Variants in PTPN12 observed in about 807,000 individuals in gnomAD.
The protein encoded by PTPN12 is protein tyrosine phosphatase non-receptor type 12, also known as tyrosine-protein phosphatase non-receptor type 12.
PTPN12 carries 29 observed loss-of-function variants against 97.6 expected under a neutral mutation model. That is an observed-to-expected ratio of 0.30 (90% CI 0.22 to 0.41). The LOEUF is 0.41. Ranked by LOEUF, PTPN12 falls within the 10% of genes least tolerant of loss-of-function variation. The pLI is 1.00. For missense variants in PTPN12, 819 were observed against 926.0 expected, an observed-to-expected ratio of 0.88 and a Z score of 1.50; for synonymous variants, 327 against 300.4, an observed-to-expected ratio of 1.09 and a Z score of -0.91.
chr7:77,537,645 G>A lies in PTPN12; in HGVS notation c.99G>A (p.Met33Ile). 6.3e-7 allele frequency: 1 copy of A among 1,593,320 alleles called. No homozygotes were observed. The highest frequency in any genetic ancestry group is 8.5e-7 in the Non-Finnish European group (1 of 1,171,378). The change falls in exon 1 of 18, where the codon ATG (methionine) becomes ATA (isoleucine). Residue 33 changes from methionine (M) to isoleucine (I), a missense_variant and splice_region_variant. By Grantham distance (10) the Met-to-Ile change is conservative. Around this residue, in one of 5 missense-constraint regions of PTPN12, gnomAD observed 59 missense variants for 42.2 expected, o/e 1.40. Transcript: ENST00000248594. Reference sequence around the variant, plus strand: ...AGGACAACTTCGCCCGGGACTTCATGGTGAGTCTCTCCCCTCGCTGTCGCG... The same window carrying A: ...AGGACAACTTCGCCCGGGACTTCATAGTGAGTCTCTCCCCTCGCTGTCGCG... ...NGEDNFARDF[M>I]RLRRLSTKYR... is the part of the protein sequence containing the mutation.
At chr7:77,615,063 T>C (rs914837872) in intron 11 of PTPN12, among the ~76,000 whole-genome samples, 1 of 152,186 alleles carries the variant, frequency 6.6e-6, no homozygotes, top group Admixed American at 6.5e-5. Context: ...ACTGAGGATT[T>C]AGAGGTACCT....
chr7:77,609,368 T>G (rs1458306016), intron 9 of PTPN12, among the ~76,000 whole-genome samples: 2 of 145,478 alleles, frequency 1.4e-5, no homozygotes, highest in South Asian at 4.4e-4. Context: ...GACTCTCAGG[T>G]TCAAGCGATT....
At chr7:77,617,423 T>G (rs951458647) in intron 11 of PTPN12, among the ~76,000 whole-genome samples, 1 of 152,204 alleles carries the variant, frequency 6.6e-6, no homozygotes, top group East Asian at 1.9e-4. Flanking sequence ...AGATTATATA[T>G]AAGGAGATAG....
At position 77,611,006 on chromosome 7, in the gene PTPN12, T is replaced by C. The variant is rs1169617853; in HGVS notation, c.899T>C (p.Leu300Pro). 1.2e-6 allele frequency: 2 copies of C among 1,613,436 alleles called. No homozygotes were observed. The highest frequency in any genetic ancestry group is 1.7e-6 in the Non-Finnish European group (2 of 1,179,656). Reference sequence around the variant, plus strand: ...CAACTGTTTGAAAAACAGCTACAACTATATGAAATTCATGGAGCTCAGAAA... The same window carrying C: ...CAACTGTTTGAAAAACAGCTACAACCATATGAAATTCATGGAGCTCAGAAA... ...IAQLFEKQLQ[L>P]YEIHGAQKIA... The change falls in exon 11 of 18, where the codon CTA becomes CCA. Residue 300 changes from leucine (L) to proline (P), a missense_variant. Leu to Pro is a moderately conservative substitution (Grantham distance 98). Around this residue, in one of 5 missense-constraint regions of PTPN12, gnomAD observed 607 missense variants for 577.3 expected, o/e 1.05. Transcript: ENST00000248594.
intron 1 of PTPN12, among the ~76,000 whole-genome samples, chr7:77,538,260 C>T (rs1163597944): frequency 6.6e-6 from 1 of 152,096 alleles, no homozygotes; most frequent in African/African-American, 2.4e-5. Context: ...TTTCCATTTA[C>T]CCGCGTCCCG....
chr7:77,611,906 T>C (rs1207615829), intron 11 of PTPN12, among the ~76,000 whole-genome samples: 2 of 152,194 alleles, frequency 1.3e-5, no homozygotes, highest in Non-Finnish European at 2.9e-5. Flanking sequence ...AGTATTCTCA[T>C]TTCTGCCTTT....
chr7:77,619,414 C>T (rs1313418065), intron 12 of PTPN12, among the ~76,000 whole-genome samples: 3 of 152,142 alleles, frequency 2.0e-5, no homozygotes, highest in Non-Finnish European at 2.9e-5. Context: ...AATCATCTCT[C>T]TGAACAAAAG....
rs753941626 is a variant in PTPN12 at position 77,612,726 on chromosome 7, C to T, written c.939+1680C>T. Among the ~76,000 whole-genome samples the T allele has an allele frequency of 3.3e-5, 5 of 151,760 alleles. No homozygotes were observed. In the East Asian group the frequency reaches 7.8e-4, roughly 24 times the overall value. Reference sequence around the variant, plus strand: ...TGCTAGGATTACAGGCATGAGCCACCGCGCCCGGCCTCGAATGTGTTTTTT... The same window carrying T: ...TGCTAGGATTACAGGCATGAGCCACTGCGCCCGGCCTCGAATGTGTTTTTT... On this transcript the variant is annotated intron_variant, in intron 11 of 17. Coordinates refer to ENST00000248594, the MANE Select transcript of PTPN12 (RefSeq NM_002835.4).
chr7:77,547,230 G>T (rs867081014), intron 1 of PTPN12, among the ~76,000 whole-genome samples: 1 of 152,134 alleles, frequency 6.6e-6, no homozygotes, highest in African/African-American at 2.4e-5. Context: ...TGCCCACTAT[G>T]CCCTAGGTAC....
intron 14 of PTPN12, among the ~76,000 whole-genome samples, chr7:77,633,728 C>T (rs1381023259): frequency 6.6e-6 from 1 of 152,068 alleles, no homozygotes; most frequent in African/African-American, 2.4e-5. Flanking sequence ...AGACATTTAA[C>T]ACCACTGGAG....
Position 77,638,683 on chromosome 7 carries a change from G to C in PTPN12, c.2233G>C (p.Asp745His), listed in dbSNP as rs767614876. Residue 745 changes from aspartate to histidine, a missense_variant, in exon 17 of 18, where the codon GAC becomes CAC. By Grantham distance (81) the Asp-to-His change is moderately conservative. This residue lies in a region of PTPN12 where 607 missense variants were observed against 577.3 expected (regional missense o/e 1.05). Transcript: ENST00000248594. ...CATAGAATGTCCACCTACTTTCAGT[G>C]ACAAGAGAGAACAAATATCAGAAAA... ...MCIECPPTFS[D>H]KREQISENPT... The C allele has an allele frequency of 6.2e-7, 1 of 1,607,890 alleles. No individual in the cohort carries two copies. The highest frequency in any genetic ancestry group is 1.3e-5 in the African/African-American group (1 of 74,722).
chr7:77,584,435 G>A (rs1467860591), intron 4 of PTPN12, among the ~76,000 whole-genome samples: 1 of 152,212 alleles, frequency 6.6e-6, no homozygotes, highest in African/African-American at 2.4e-5. Context: ...CTTTCTGGAT[G>A]ATGGGAACAT....
chr7:77,563,789 G>A (rs1049755328), intron 1 of PTPN12: 2 of 225,860 alleles, frequency 8.9e-6, no homozygotes, highest in African/African-American at 4.7e-5. Flanking sequence ...AGTGAGCAAA[G>A]ATAGGAAGAT....
intron 1 of PTPN12, among the ~76,000 whole-genome samples, chr7:77,560,322 A>G (rs1027917138): frequency 5.3e-5 from 8 of 152,328 alleles, no homozygotes; most frequent in African/African-American, 1.9e-4. Context: ...TGGATAGGAC[A>G]TTTAATTCTG....
In PTPN12 at chr7:77,626,914, C is replaced by T. The variant is rs1288310199; in HGVS notation, c.1235C>T (p.Ser412Leu). 6.2e-7 allele frequency: 1 copy of T among 1,608,954 alleles called. No homozygotes were observed. Among genetic ancestry groups the T allele is most frequent in the South Asian group, 1.1e-5 (1 of 90,272 alleles). ...SADLNRNYSK[S>L]TELPGKNEST... ...GACCTCAACAGAAACTATAGTAAAT[C>T]AACAGAACTTCCAGGGAAAAATGAA... The change falls in exon 13 of 18, where the codon TCA (serine) becomes TTA (leucine). Residue 412 changes from serine (S) to leucine (L), a missense_variant. Physicochemically the swap from Ser to Leu is moderately radical, Grantham distance 145. Coordinates refer to ENST00000248594, the MANE Select transcript of PTPN12 (RefSeq NM_002835.4).
intron 5 of PTPN12, among the ~76,000 whole-genome samples, chr7:77,590,097 G>T (rs1787817848): frequency 6.6e-6 from 1 of 152,148 alleles, no homozygotes; most frequent in African/African-American, 2.4e-5. Context: ...CAAGCATTTT[G>T]ACCATGGTGC....
At chr7:77,537,712 C>G (rs894051047) in intron 1 of PTPN12, 67 bp downstream of exon 1, 3 of 1,498,300 alleles carry the variant, frequency 2.0e-6, no homozygotes, top group Non-Finnish European at 2.7e-6. Flanking sequence ...CTCTCCCGGC[C>G]GGGCCGCCAG....
chr7:77,603,619 T>A (rs1584175681), intron 8 of PTPN12, among the ~76,000 whole-genome samples: 1 of 152,038 alleles, frequency 6.6e-6, no homozygotes, highest in Non-Finnish European at 1.5e-5. Flanking sequence ...GGCCACTCTG[T>A]TTTTTTGTTT....
intron 1 of PTPN12, among the ~76,000 whole-genome samples, chr7:77,544,829 G>C (rs1807139585): frequency 6.6e-6 from 1 of 152,198 alleles, no homozygotes; most frequent in Non-Finnish European, 1.5e-5. Context: ...AGACATTGTA[G>C]ACAAACTTAA....
Sources: allele counts gnomAD v4.1 joint callset (sites outside exome capture counted in the v4.1 genomes callset), GRCh38; gene constraint gnomAD v4.1.1; regional missense constraint gnomAD v4.1.1; transcripts MANE v1.5; gene names NCBI Gene and HGNC (gene_info 2026-07-23, HGNC 2026-07-21).